Variants in ITGB5 observed in about 807,000 individuals in gnomAD.
ITGB5 encodes the protein integrin subunit beta 5, also known as integrin beta-5.
A neutral mutation model predicts 84.8 loss-of-function variants in ITGB5; 38 were observed. The ratio of observed to expected loss-of-function variants is 0.45; its 90% CI spans 0.35 to 0.59. The LOEUF (loss-of-function observed/expected upper bound fraction) is 0.59. Among genes scored for constraint, ITGB5 ranks in the 20% least tolerant of loss-of-function variants. ITGB5 has a pLI of 0.01. For missense variants in ITGB5, 905 were observed against 1,034.5 expected, an observed-to-expected ratio of 0.87 and a Z score of 1.72; for synonymous variants, 393 against 414.4, an observed-to-expected ratio of 0.95 and a Z score of 0.63.
In ITGB5 at chr3:124,852,935, C is replaced by T. The variant is rs1298822263; in HGVS notation, c.362-4377G>A. ...ACTCCTGAGCTCAAGTGATCCTCCCCTTCAGCCTCCCAAAGTGCTGGGATT... is the reference window on the plus strand; with the variant it reads ...ACTCCTGAGCTCAAGTGATCCTCCCTTTCAGCCTCCCAAAGTGCTGGGATT... On this transcript the variant is annotated intron_variant, in intron 3 of 14. Coordinates refer to ENST00000296181, the MANE Select transcript of ITGB5 (RefSeq NM_002213.5). Among the ~76,000 whole-genome samples the T allele has an allele frequency of 3.9e-5, 6 of 152,180 alleles. No homozygotes were observed. In the South Asian group the frequency reaches 8.3e-4, roughly 21 times the overall value.
chr3:124,894,134 C>CTTTTTTTTTTTTTTTTTTTTTT (rs748784158), intron 1 of ITGB5, among the ~76,000 whole-genome samples: 4 of 104,354 alleles, frequency 3.8e-5, no homozygotes, highest in Admixed American at 1.2e-4. Context: ...TGATATTTTT[C>CTTTTTTTTTTTTTTTTTTTTTT]TTTTTTTTTT....
intron 2 of ITGB5, among the ~76,000 whole-genome samples, chr3:124,872,413 T>A (rs1009397573): frequency 2.0e-5 from 3 of 152,144 alleles, no homozygotes; most frequent in Non-Finnish European, 4.4e-5. Flanking sequence ...ATCAGAGATA[T>A]TGTATGATGT....
intron 10 of ITGB5, among the ~76,000 whole-genome samples, chr3:124,774,728 A>G (rs1469060730): frequency 6.6e-6 from 1 of 152,178 alleles, no homozygotes; most frequent in East Asian, 1.9e-4. Context: ...TAGAAGCTGA[A>G]TTCCTGCCCA....
intron 9 of ITGB5, among the ~76,000 whole-genome samples, chr3:124,801,767 A>C (rs2064319905): frequency 6.6e-6 from 1 of 152,152 alleles, no homozygotes; most frequent in African/African-American, 2.4e-5. Context: ...CTTGCCAAAC[A>C]ATGGCCAGAA....
intron 14 of ITGB5, among the ~76,000 whole-genome samples, chr3:124,764,012 G>A (rs968285602): frequency 4.6e-5 from 7 of 152,224 alleles, no homozygotes; most frequent in Non-Finnish European, 1.0e-4. Flanking sequence ...AACTGACTGC[G>A]CTCAGTCCTC....
At chr3:124,814,834 A>G (rs1285039771) in intron 8 of ITGB5, among the ~76,000 whole-genome samples, 2 of 152,294 alleles carry the variant, frequency 1.3e-5, no homozygotes, top group East Asian at 3.9e-4. Context: ...TACAGGAACC[A>G]GTTTAACTCG....
At chr3:124,782,066 C>T (rs11707859) in intron 10 of ITGB5, among the ~76,000 whole-genome samples, 2,000 of 152,320 alleles carry the variant, frequency 0.013, 34 homozygotes, top group South Asian at 0.044. Context: ...ACTGAGATAA[C>T]AAGCCATTAA....
At chr3:124,848,189 G>A (rs1377189867) in intron 4 of ITGB5, 120 bp downstream of exon 4, 8 of 1,110,352 alleles carry the variant, frequency 7.2e-6, no homozygotes, top group African/African-American at 1.6e-5. Flanking sequence ...CAAATTAAAC[G>A]CCTAAGCCTG....
At chr3:124,791,185 G>C (rs529052112) in intron 10 of ITGB5, 1 of 152,206 alleles carries the variant, frequency 6.6e-6, no homozygotes, top group South Asian at 2.1e-4. Flanking sequence ...ATATTCTATG[G>C]GTCAATACTT....
At chr3:124,830,262 C>G (rs1449419426) in intron 5 of ITGB5, among the ~76,000 whole-genome samples, 1 of 152,198 alleles carries the variant, frequency 6.6e-6, no homozygotes, top group Non-Finnish European at 1.5e-5. Context: ...TTCTCTGCCC[C>G]ACCCTCCACA....
chr3:124,782,420 C>T (rs1299676352), intron 10 of ITGB5, among the ~76,000 whole-genome samples: 1 of 152,082 alleles, frequency 6.6e-6, no homozygotes, highest in Non-Finnish European at 1.5e-5. Context: ...GGGCTGAGAG[C>T]CCATAGATTT....
intron 1 of ITGB5, among the ~76,000 whole-genome samples, chr3:124,881,837 G>A (rs1000999590): frequency 6.6e-6 from 1 of 152,116 alleles, no homozygotes; most frequent in African/African-American, 2.4e-5. Context: ...GTGCGGTGGT[G>A]TACGCCTGTA....
chr3:124,873,379 G>T, intron 2 of ITGB5, 67 bp downstream of exon 2: 1 of 1,034,304 alleles, frequency 9.7e-7, no homozygotes, highest in Non-Finnish European at 1.5e-6. Context: ...TTGTGGTGTT[G>T]GCCTCCTTCT....
At chr3:124,822,188 A>C (rs980456110) in intron 5 of ITGB5, among the ~76,000 whole-genome samples, 1 of 152,182 alleles carries the variant, frequency 6.6e-6, no homozygotes, top group Non-Finnish European at 1.5e-5. Context: ...TACATTTTTC[A>C]TACTCTGCCA....
chr3:124,897,753 G>A (rs1935132271), intron 1 of ITGB5, among the ~76,000 whole-genome samples: 1 of 152,170 alleles, frequency 6.6e-6, no homozygotes, highest in African/African-American at 2.4e-5. Context: ...CTGTTCCAGG[G>A]TTAGGGATAA....
intron 1 of ITGB5, among the ~76,000 whole-genome samples, chr3:124,879,168 C>A (rs773573377): frequency 1.3e-5 from 2 of 152,222 alleles, no homozygotes; most frequent in African/African-American, 2.4e-5. Context: ...CTAGCCCCAA[C>A]AACCCAAGCC....
chr3:124,876,431 C>T (rs1035363028), intron 1 of ITGB5, among the ~76,000 whole-genome samples: 12 of 152,160 alleles, frequency 7.9e-5, no homozygotes, highest in Non-Finnish European at 2.9e-5. Flanking sequence ...CCTGCTTCTC[C>T]TTTGTCACTA....
At chr3:124,779,536 C>T (rs544159292) in intron 10 of ITGB5, among the ~76,000 whole-genome samples, 1 of 152,214 alleles carries the variant, frequency 6.6e-6, no homozygotes, top group South Asian at 2.1e-4. Flanking sequence ...GAAACATGGG[C>T]AGTGGAGAAC....
chr3:124,824,821 T>C (rs1405670169), intron 5 of ITGB5, among the ~76,000 whole-genome samples: 1 of 152,116 alleles, frequency 6.6e-6, no homozygotes, highest in African/African-American at 2.4e-5. Flanking sequence ...AAATGCAAAT[T>C]TGAACCACAG....
Sources: allele counts gnomAD v4.1 joint callset (sites outside exome capture counted in the v4.1 genomes callset), GRCh38; gene constraint gnomAD v4.1.1; transcripts MANE v1.5; gene names NCBI Gene and HGNC (gene_info 2026-07-23, HGNC 2026-07-21).